The following ARIH2 variants were observed in gnomAD, a reference collection of about 807,000 sequenced individuals.
ARIH2 encodes E3 ubiquitin-protein ligase ARIH2.
Under a neutral mutation model 79.8 loss-of-function variants are expected in ARIH2, and 12 were observed. The ratio of observed to expected loss-of-function variants is 0.15; its 90% CI spans 0.10 to 0.24. The LOEUF is 0.24. ARIH2 is among the 10% of genes least tolerant of loss of function. The pLI is 1.00. For missense variants in ARIH2, 301 were observed against 618.3 expected (o/e 0.49, Z 5.44); for synonymous variants, 224 against 213.9 (o/e 1.05, Z -0.41).
At chr3:48,969,877 GCTC>G (rs1192431802) in intron 7 of ARIH2, among the ~76,000 whole-genome samples, 1 of 151,126 alleles carries the variant, frequency 6.6e-6, no homozygotes, top group African/African-American at 2.4e-5. Context: ...GGGTCATTGA[GCTC>G]CTCAGATATA....
chr3:48,935,629 C>T (rs2086995533), intron 3 of ARIH2, among the ~76,000 whole-genome samples: 1 of 152,190 alleles, frequency 6.6e-6, no homozygotes, highest in East Asian at 1.9e-4. Flanking sequence ...GTCAGCATCT[C>T]TATGCTTGAG....
chr3:48,981,710 C>T lies in ARIH2; in HGVS notation c.1308C>T (p.Ser436=), dbSNP rs148828006. 358 of 1,613,650 alleles carry T rather than the reference C, an allele frequency of 2.2e-4. No individual in the cohort carries two copies. Among genetic ancestry groups the T allele is most frequent in the Non-Finnish European group, 2.7e-4 (313 of 1,179,802 alleles). ...YTYPYAYYME[S]GPRKKLFEYQ... is the part of the protein sequence containing the mutation. Reference sequence around the variant, plus strand: ...ACCCATATGCATATTACATGGAGTCCGGACCCAGGAAGAAGCTGGTAAGGC... The same window carrying T: ...ACCCATATGCATATTACATGGAGTCTGGACCCAGGAAGAAGCTGGTAAGGC... Residue 436 remains serine, a synonymous_variant, in exon 14 of 16, where the codon TCC becomes TCT. Coordinates refer to ENST00000356401, the MANE Select transcript of ARIH2 (RefSeq NM_006321.4).
rs536857938 is a variant in ARIH2 at position 48,927,503 on chromosome 3, G to T, written c.-56G>T. The T allele has an allele frequency of 2.3e-5, 37 of 1,581,984 alleles. No homozygotes were observed. Among genetic ancestry groups the T allele is most frequent in the East Asian group, 4.5e-5 (2 of 44,644 alleles). On this transcript the variant is annotated 5_prime_UTR_variant, in exon 3 of 16. Transcript: ENST00000356401. Reference sequence around the variant, plus strand: ...TGCATTTGAGAAAGCGGTAGTTTTGGGGGGAGGGGGAAAAAGCAACTGCTT... The same window carrying T: ...TGCATTTGAGAAAGCGGTAGTTTTGTGGGGAGGGGGAAAAAGCAACTGCTT...
At chr3:48,962,973 A>G (rs1011710069) in intron 4 of ARIH2, among the ~76,000 whole-genome samples, 1 of 151,962 alleles carries the variant, frequency 6.6e-6, no homozygotes, top group Non-Finnish European at 1.5e-5. Flanking sequence ...GGTTCAAGCA[A>G]CTCTCCTGCC....
intron 2 of ARIH2, among the ~76,000 whole-genome samples, chr3:48,923,525 T>G (rs986561837): frequency 1.4e-5 from 2 of 147,038 alleles, no homozygotes; most frequent in African/African-American, 2.5e-5. Flanking sequence ...TAGTGAGTGT[T>G]TTTTTTTTTT....
At chr3:48,971,578 A>T (rs529372517) in intron 8 of ARIH2, among the ~76,000 whole-genome samples, 3 of 152,218 alleles carry the variant, frequency 2.0e-5, no homozygotes, top group Non-Finnish European at 2.9e-5. Flanking sequence ...ATCAAGGTAC[A>T]AGGTAAACCT....
chr3:48,926,289 C>T (rs569607928), intron 2 of ARIH2, among the ~76,000 whole-genome samples: 7 of 150,798 alleles, frequency 4.6e-5, no homozygotes, highest in East Asian at 3.9e-4. Context: ...GTGTGTGTGA[C>T]GGAGTTTCGC....
rs2092708078 is a variant in ARIH2, at chr3:48,980,514, C to A, written c.1257+18C>A. On this transcript the variant is annotated intron_variant, in intron 13 of 15. Transcript: ENST00000356401. Reference sequence around the variant, plus strand: ...TGGCCAAGGTATCTACCACTTCACTCATCTTATCCCTGGTCCAGTGCCTGG... The same window carrying A: ...TGGCCAAGGTATCTACCACTTCACTAATCTTATCCCTGGTCCAGTGCCTGG... 6.2e-7 allele frequency: 1 copy of A among 1,612,316 alleles called. No homozygotes were observed. The highest frequency in any genetic ancestry group is 1.1e-5 in the South Asian group (1 of 90,822).
chr3:48,958,062 G>A (rs1171761790), intron 3 of ARIH2, among the ~76,000 whole-genome samples: 1 of 152,114 alleles, frequency 6.6e-6, no homozygotes, highest in Admixed American at 6.6e-5. Flanking sequence ...GACGTAGGTT[G>A]GAAACAGAGC....
Position 48,927,466 on chromosome 3 carries a change from C to A in ARIH2, c.-93C>A. ...ATTTTTTTTTTCCTCCCTTAGAAGA[C>A]AAAAATACTAATGCATTTGAGAAAG... On this transcript the variant is annotated 5_prime_UTR_variant, in exon 3 of 16. Transcript: ENST00000356401. 1 of 1,482,534 alleles carries A rather than the reference C, an allele frequency of 6.7e-7. No homozygotes were observed. 91.8% of individuals were successfully genotyped at this position (1,482,534 alleles called of 1,614,324 possible). A position where few individuals can be genotyped will look rare whatever the true frequency, so the allele number is the denominator to read the frequency against.
At chr3:48,930,620 T>C (rs2086241717) in intron 3 of ARIH2, among the ~76,000 whole-genome samples, 1 of 152,138 alleles carries the variant, frequency 6.6e-6, no homozygotes, top group African/African-American at 2.4e-5. Context: ...TCCTGGCCTG[T>C]TTTTATTTTT....
chr3:48,957,741 C>T (rs1168350103), intron 3 of ARIH2, among the ~76,000 whole-genome samples: 1 of 152,072 alleles, frequency 6.6e-6, no homozygotes, highest in Non-Finnish European at 1.5e-5. Context: ...GAGACAGAGT[C>T]TTACTCTGCT....
chr3:48,978,966 AAAAAAG>A (rs1218436465), intron 11 of ARIH2, among the ~76,000 whole-genome samples: 1 of 152,110 alleles, frequency 6.6e-6, no homozygotes, highest in Non-Finnish European at 1.5e-5. Context: ...GTCTCAAAAA[AAAAAAG>A]AAAAAGAAAA....
chr3:48,975,164 A>T, intron 11 of ARIH2, 185 bp downstream of exon 11: 1 of 895,806 alleles, frequency 1.1e-6, no homozygotes, highest in East Asian at 2.6e-5. Flanking sequence ...GGTCCCTCTT[A>T]TAATCCCACT....
intron 12 of ARIH2, 191 bp downstream of exon 12, chr3:48,979,824 A>C: frequency 1.8e-6 from 1 of 555,630 alleles, no homozygotes; most frequent in Non-Finnish European, 3.1e-6. Flanking sequence ...ATCCCCAGCC[A>C]ACAGGGAAGG....
Position 48,928,800 on chromosome 3 carries a change from G to A in ARIH2, c.255+987G>A, listed in dbSNP as rs186433080. Reference sequence around the variant, plus strand: ...AATTTAGATACTCAGGTCTTTATTAGCAACTGGCTGGAAGCTGAAAGCTAA... The same window carrying A: ...AATTTAGATACTCAGGTCTTTATTAACAACTGGCTGGAAGCTGAAAGCTAA... On this transcript the variant is annotated intron_variant, in intron 3 of 15. Transcript: ENST00000356401. Among the ~76,000 whole-genome samples the A allele has an allele frequency of 6.4e-4, 97 of 151,758 alleles. 3 individuals are homozygous for A. Among genetic ancestry groups the A allele is most frequent in the Admixed American group, 5.5e-3 (84 of 15,206 alleles).
intron 1 of ARIH2, among the ~76,000 whole-genome samples, chr3:48,920,267 C>A (rs2084624703): frequency 6.6e-6 from 1 of 152,026 alleles, no homozygotes; most frequent in South Asian, 2.1e-4. Flanking sequence ...AGGCGTGAGC[C>A]ACTGTGCATG....
chr3:48,919,053 G>C, intron 1 of ARIH2, 55 bp downstream of exon 1: 2 of 1,325,862 alleles, frequency 1.5e-6, no homozygotes, highest in Non-Finnish European at 1.9e-6. Context: ...CGCTGGGGGG[G>C]CCTCTCCGCG....
chr3:48,981,377 T>G (rs2092746295), intron 13 of ARIH2, among the ~76,000 whole-genome samples: 1 of 151,784 alleles, frequency 6.6e-6, no homozygotes, highest in South Asian at 2.1e-4. Context: ...GAGATAGATG[T>G]GTTGACTCTG....
Sources: gnomAD v4.1 joint callset for allele counts (sites outside exome capture counted in the v4.1 genomes callset) on GRCh38, gnomAD v4.1.1 for gene constraint, MANE v1.5 for transcripts, NCBI Gene and HGNC (gene_info 2026-07-23, HGNC 2026-07-21) for gene names.